Variants in RNF31 observed in about 807,000 individuals in gnomAD.
The protein encoded by RNF31 is ring finger protein 31.
In RNF31, 38 loss-of-function variants were observed where a neutral mutation model predicts 133.6. The observed-to-expected ratio is 0.28, with a 90% confidence interval of 0.22 to 0.37. RNF31 has a LOEUF of 0.37. Among genes scored for constraint, RNF31 ranks in the 10% least tolerant of loss-of-function variants. The pLI is 1.00. For missense variants in RNF31, 1,118 were observed against 1,394.1 expected, an observed-to-expected ratio of 0.80 and a Z score of 3.15; for synonymous variants, 582 against 552.3, an observed-to-expected ratio of 1.05 and a Z score of -0.75.
chr14:24,158,285 G>A (rs2038377521), intron 18 of RNF31, 86 bp downstream of exon 18: 1 of 1,323,880 alleles, frequency 7.6e-7, no homozygotes, highest in South Asian at 1.2e-5. Context: ...CTTGGGTCTG[G>A]GGTCACTTGT....
Position 24,147,735 on chromosome 14 carries a change from G to A in RNF31, c.37G>A (p.Ala13Thr), listed in dbSNP as rs754643737. 3.2e-6 allele frequency: 5 copies of A among 1,552,476 alleles called. No individual in the cohort carries two copies. Among genetic ancestry groups the A allele is most frequent in the Non-Finnish European group, 4.3e-6 (5 of 1,154,394 alleles). ...GEEEERAFLV[A>T]REELASALRR... Reference sequence around the variant, plus strand: ...GGAAGAGGAGCGGGCCTTCCTGGTGGCCCGCGAGGAGCTGGCGAGCGCCCT... The same window carrying A: ...GGAAGAGGAGCGGGCCTTCCTGGTGACCCGCGAGGAGCTGGCGAGCGCCCT... The change falls in exon 1 of 21, where the codon GCC (alanine) becomes ACC (threonine). Residue 13 changes from alanine (A) to threonine (T), a missense_variant. Physicochemically the swap from Ala to Thr is moderately conservative, Grantham distance 58. This residue lies in a region of RNF31 where 747 missense variants were observed against 827.9 expected (regional missense o/e 0.90). Transcript: ENST00000324103.
chr14:24,159,178 C>T (rs11850309), intron 18 of RNF31, among the ~76,000 whole-genome samples: 1 of 151,116 alleles, frequency 6.6e-6, no homozygotes, highest in Non-Finnish European at 1.5e-5. Flanking sequence ...AACCCTGTCT[C>T]TACTAAAAAT....
In RNF31 at chr14:24,158,080, G is replaced by A. The variant is rs1176898662; in HGVS notation, c.2842-62G>A. The A allele has an allele frequency of 3.1e-6, 5 of 1,611,866 alleles. No individual in the cohort carries two copies. In the Admixed American group the frequency reaches 8.3e-5, roughly 27 times the overall value. ...CAAGAATGGAAAAGGCTCCGTGCTA[G>A]GAATTGCAACAGGGACTTGGCATCA... On this transcript the variant is annotated intron_variant, in intron 17 of 20. Coordinates refer to ENST00000324103, the MANE Select transcript of RNF31 (RefSeq NM_017999.5).
chr14:24,160,427 T>G lies in RNF31; in HGVS notation c.3165+20T>G, dbSNP rs756221207. On this transcript the variant is annotated intron_variant, in intron 20 of 20. Coordinates refer to ENST00000324103, the MANE Select transcript of RNF31 (RefSeq NM_017999.5). This position sits in a 1 kb window ranked among gnomAD's most constrained non-coding sequence, Gnocchi z 4.0. ...TTACAGGTATAGCCTCCACCCAGCCTCATCTCTTAACCCACCCTACAGAAG... is the reference window on the plus strand; with the variant it reads ...TTACAGGTATAGCCTCCACCCAGCCGCATCTCTTAACCCACCCTACAGAAG... 6.2e-7 allele frequency: 1 copy of G among 1,610,918 alleles called. No individual in the cohort carries two copies. Among genetic ancestry groups the G allele is most frequent in the South Asian group, 1.1e-5 (1 of 90,928 alleles).
In RNF31 at chr14:24,151,524, G is replaced by A; in HGVS notation, c.1777G>A (p.Gly593Arg). Residue 593 changes from glycine to arginine, a missense_variant, in exon 10 of 21, where the codon GGG (glycine) becomes AGG (arginine). Gly to Arg is a moderately radical substitution (Grantham distance 125). Coordinates refer to ENST00000324103, the MANE Select transcript of RNF31 (RefSeq NM_017999.5). The surrounding 1 kb of genome is among the most constrained non-coding windows in gnomAD (Gnocchi z 5.3). ...LQSLGFGPEE[G>R]SLQALFQHGG... ...GTCTCTAGGCTTTGGGCCTGAGGAG[G>A]GGTCTCTCCAGGCATTGTTCCAGCA... 6.2e-7 allele frequency: 1 copy of A among 1,614,206 alleles called. No homozygotes were observed. The highest frequency in any genetic ancestry group is 8.5e-7 in the Non-Finnish European group (1 of 1,180,036).
Position 24,157,398 on chromosome 14 carries a change from G to C in RNF31, c.2602G>C (p.Gly868Arg). Residue 868 changes from glycine to arginine, a missense_variant, in exon 15 of 21, where the codon GGC (glycine) becomes CGC (arginine). By Grantham distance (125) the Gly-to-Arg change is moderately radical (BLOSUM62 -2). Coordinates refer to ENST00000324103, the MANE Select transcript of RNF31 (RefSeq NM_017999.5). ...QGLAMYLQENGIDCPKCKFSY... is the reference protein window; with the variant it reads ...QGLAMYLQENRIDCPKCKFSY... Reference sequence around the variant, plus strand: ...CCTAGCAATGTATCTTCAGGAAAACGGCATTGGTAAGGCCTCCCTACTCGG... The same window carrying C: ...CCTAGCAATGTATCTTCAGGAAAACCGCATTGGTAAGGCCTCCCTACTCGG... 6.2e-7 allele frequency: 1 copy of C among 1,608,916 alleles called. No homozygotes were observed.
rs779576962 is a variant in RNF31, at chr14:24,155,552, G to C, written c.2403+40G>C. ...CAGGGCAGCTACTGTGGAGGGGCAG[G>C]GGATGGTTCCAGGTCAGGCCTTTGA... On this transcript the variant is annotated intron_variant, in intron 13 of 20. Transcript: ENST00000324103. This position sits in a 1 kb window ranked among gnomAD's most constrained non-coding sequence, Gnocchi z 4.9. 5 of 1,613,408 alleles carry C rather than the reference G, an allele frequency of 3.1e-6. No individual in the cohort carries two copies. The highest frequency in any genetic ancestry group is 4.2e-6 in the Non-Finnish European group (5 of 1,179,400).
At position 24,155,255 on chromosome 14, in the gene RNF31, G is replaced by A; in HGVS notation, c.2229G>A (p.Val743=). ...ALKEKHITDM[V]CPACGRPDLT... ...AGGAGAAGCACATCACAGACATGGT[G>A]TGCCCTGCCTGTGGCCGCCCCGACC... Residue 743 remains valine (V), a synonymous_variant, in exon 12 of 21, where the codon GTG becomes GTA. Coordinates refer to ENST00000324103, the MANE Select transcript of RNF31 (RefSeq NM_017999.5). The surrounding 1 kb of genome is among the most constrained non-coding windows in gnomAD (Gnocchi z 4.9). 6.2e-7 allele frequency: 1 copy of A among 1,614,106 alleles called. No individual in the cohort carries two copies. The highest frequency in any genetic ancestry group is 8.5e-7 in the Non-Finnish European group (1 of 1,180,014).
intron 16 of RNF31, 105 bp downstream of exon 16, chr14:24,157,743 G>C: frequency 8.8e-7 from 1 of 1,142,576 alleles, no homozygotes; most frequent in Admixed American, 1.7e-5. Context: ...AGAGGTCAAC[G>C]GGATGTAAAG....
Position 24,151,740 on chromosome 14 carries a change from C to T in RNF31, c.1924-46C>T. On this transcript the variant is annotated intron_variant, in intron 10 of 20. Coordinates refer to ENST00000324103, the MANE Select transcript of RNF31 (RefSeq NM_017999.5). This position sits in a 1 kb window ranked among gnomAD's most constrained non-coding sequence, Gnocchi z 5.3. ...AAGAGGGAGCTGAGGGGAAGGGTCCCTGGAGTCTGACAGCACTTCCCCCCT... is the reference window on the plus strand; with the variant it reads ...AAGAGGGAGCTGAGGGGAAGGGTCCTTGGAGTCTGACAGCACTTCCCCCCT... 1.2e-6 allele frequency: 2 copies of T among 1,600,502 alleles called. No individual in the cohort carries two copies. Among genetic ancestry groups the T allele is most frequent in the East Asian group, 2.2e-5 (1 of 44,718 alleles).
Position 24,160,572 on chromosome 14 carries a change from A to G in RNF31, c.3218A>G (p.Ter1073TrpextTer?). ...LGQSIPRRRK* is the reference protein window; with the variant it reads ...LGQSIPRRRKW ...CAGAGTATCCCCCGCAGGCGGAAGT[A>G]GCTGAGGGCAAGGGTCCCGATGAGG... Residue 1073 changes from the stop codon to tryptophan, a stop_lost, in exon 21 of 21, where the codon TAG (stop) becomes TGG (tryptophan). Transcript: ENST00000324103. This position sits in a 1 kb window ranked among gnomAD's most constrained non-coding sequence, Gnocchi z 4.0. 6.5e-7 allele frequency: 1 copy of G among 1,530,508 alleles called. No individual in the cohort carries two copies. 94.8% of individuals were successfully genotyped at this position (1,530,508 alleles called of 1,614,324 possible).
chr14:24,154,999 T>G, intron 11 of RNF31, 158 bp from the exon 12 acceptor site: 2 of 661,562 alleles, frequency 3.0e-6, no homozygotes, highest in Non-Finnish European at 5.2e-6. Context: ...TTCAGATGTT[T>G]ACGTTGCCTG....
In RNF31 at chr14:24,150,243, G is replaced by A; in HGVS notation, c.992G>A (p.Gly331Glu). 1.2e-6 allele frequency: 2 copies of A among 1,614,226 alleles called. No individual in the cohort carries two copies. The highest frequency in any genetic ancestry group is 8.5e-7 in the Non-Finnish European group (1 of 1,180,036). The change falls in exon 7 of 21, where the codon GGG (glycine) becomes GAG (glutamate). Residue 331 changes from glycine to glutamate, a missense_variant. Around this residue, in one of 3 missense-constraint regions of RNF31, gnomAD observed 747 missense variants for 827.9 expected, o/e 0.90. Coordinates refer to ENST00000324103, the MANE Select transcript of RNF31 (RefSeq NM_017999.5). ...TGTGATCGGCCCCGAGGCTGTAAGG[G>A]GTTGGGGTTGGGAACTGAGGGTCCC... The part of the protein sequence containing the change: ...VACDRPRGCK[G>E]LGLGTEGPQG...
chr14:24,157,243 G>A (rs1222897196), intron 14 of RNF31, 47 bp from the exon 15 acceptor site: 7 of 1,447,666 alleles, frequency 4.8e-6, no homozygotes, highest in Non-Finnish European at 6.6e-6. Flanking sequence ...AGAAAGGCCA[G>A]GGGATGGGAT....
At position 24,149,927 on chromosome 14, in the gene RNF31, G is replaced by A. The variant is rs1372443308; in HGVS notation, c.810-134G>A. On this transcript the variant is annotated intron_variant, in intron 6 of 20. Coordinates refer to ENST00000324103, the MANE Select transcript of RNF31 (RefSeq NM_017999.5). ...AATGTTGCATAAGCTATGGGTATAG[G>A]AGTATTCGAGACAGACAATGTGTGC... The A allele has an allele frequency of 3.8e-6, 4 of 1,058,538 alleles. No homozygotes were observed. The Admixed American group carries it at 7.5e-5, about 20-fold the overall frequency. 65.6% of individuals were successfully genotyped at this position (1,058,538 alleles called of 1,614,324 possible).
Position 24,152,047 on chromosome 14 carries a change from C to T in RNF31, c.2130+55C>T, listed in dbSNP as rs935492432. 25 of 1,511,084 alleles carry T rather than the reference C, an allele frequency of 1.7e-5. No homozygotes were observed. The African/African-American group carries it at 3.4e-4, about 21-fold the overall frequency. The allele number at this position is 1,511,084 out of a possible 1,614,324, so 93.6% of individuals were successfully genotyped here. A position where few individuals can be genotyped will look rare whatever the true frequency, so the allele number is the denominator to read the frequency against. On this transcript the variant is annotated intron_variant, in intron 11 of 20. Coordinates refer to ENST00000324103, the MANE Select transcript of RNF31 (RefSeq NM_017999.5). Reference sequence around the variant, plus strand: ...AGAATTACTCTATTCTTTTGGACCCCCATCCTACCCCAGTCTCCATCTCTG... The same window carrying T: ...AGAATTACTCTATTCTTTTGGACCCTCATCCTACCCCAGTCTCCATCTCTG...
intron 2 of RNF31, 57 bp from the exon 3 acceptor site, chr14:24,148,201 T>C: frequency 6.2e-7 from 1 of 1,613,228 alleles, no homozygotes; most frequent in Non-Finnish European, 8.5e-7. Context: ...TGGGAAGGGG[T>C]CCAGCCCTAC....
chr14:24,156,283 C>T (rs114716075), intron 14 of RNF31, among the ~76,000 whole-genome samples: 1 of 152,156 alleles, frequency 6.6e-6, no homozygotes, highest in Non-Finnish European at 1.5e-5. Context: ...AAGGGTGATA[C>T]TATCTCATTT....
At position 24,151,528 on chromosome 14, in the gene RNF31, C is replaced by T; in HGVS notation, c.1781C>T (p.Ser594Phe). 1 of 1,614,230 alleles carries T rather than the reference C, an allele frequency of 6.2e-7. No individual in the cohort carries two copies. Among genetic ancestry groups the T allele is most frequent in the Non-Finnish European group, 8.5e-7 (1 of 1,180,040 alleles). Residue 594 changes from serine to phenylalanine, a missense_variant, in exon 10 of 21, where the codon TCT (serine) becomes TTT (phenylalanine). Physicochemically the swap from Ser to Phe is radical, Grantham distance 155 (BLOSUM62 -2). Transcript: ENST00000324103. This position sits in a 1 kb window ranked among gnomAD's most constrained non-coding sequence, Gnocchi z 5.3. The stretch of plus-strand genomic sequence containing the variant: ...CTAGGCTTTGGGCCTGAGGAGGGGT[C>T]TCTCCAGGCATTGTTCCAGCACGGA... Reference protein sequence around the residue: ...QSLGFGPEEGSLQALFQHGGD... With the variant: ...QSLGFGPEEGFLQALFQHGGD...
Sources: allele counts gnomAD v4.1 joint callset (sites outside exome capture counted in the v4.1 genomes callset), GRCh38; gene constraint gnomAD v4.1.1; regional missense constraint gnomAD v4.1.1; non-coding constraint Gnocchi (gnomAD v3.1); transcripts MANE v1.5; gene names NCBI Gene and HGNC (gene_info 2026-07-23, HGNC 2026-07-21).